The following SSBP2 variants were observed in gnomAD, a reference collection of about 807,000 sequenced individuals.
SSBP2 encodes single stranded DNA binding protein 2, also known as single-stranded DNA-binding protein 2.
In SSBP2, 17 loss-of-function variants were observed where a neutral mutation model predicts 61.8. The observed-to-expected ratio is 0.28, with a 90% CI of 0.19 to 0.41. The LOEUF (loss-of-function observed/expected upper bound fraction) is 0.41. SSBP2 is among the 10% of genes least tolerant of loss of function. The pLI is 1.00. For synonymous variants in SSBP2, 139 were observed against 141.3 expected (o/e 0.98, Z 0.12); for missense variants, 310 against 458.7 (o/e 0.68, Z 2.96).
intron 4 of SSBP2, among the ~76,000 whole-genome samples, chr5:81,590,847 A>C (rs151227188): frequency 1.1e-4 from 17 of 152,332 alleles, no homozygotes; most frequent in Admixed American, 6.5e-4. Flanking sequence ...AAACAGTAGA[A>C]TAACCTCCAG....
intron 1 of SSBP2, among the ~76,000 whole-genome samples, chr5:81,733,830 A>ATT (rs1756424318): frequency 1.4e-4 from 21 of 152,208 alleles, no homozygotes; most frequent in Admixed American, 1.4e-3. Context: ...TTTTGTCTGA[A>ATT]TAGGGCTCTG....
intron 4 of SSBP2, among the ~76,000 whole-genome samples, chr5:81,521,014 C>T (rs1769439439): frequency 6.6e-6 from 1 of 151,954 alleles, no homozygotes; most frequent in Non-Finnish European, 1.5e-5. Context: ...TAAATCATCT[C>T]CCATCCATTT....
At chr5:81,545,741 T>C (rs1437098626) in intron 4 of SSBP2, among the ~76,000 whole-genome samples, 1 of 152,172 alleles carries the variant, frequency 6.6e-6, no homozygotes, top group African/African-American at 2.4e-5. Flanking sequence ...AAACAATATA[T>C]GGCAAATTAA....
At chr5:81,709,500 T>C (rs1222364005) in intron 1 of SSBP2, among the ~76,000 whole-genome samples, 1 of 151,958 alleles carries the variant, frequency 6.6e-6, no homozygotes, top group Admixed American at 6.6e-5. Flanking sequence ...AATCACAATT[T>C]ATAGCATATC....
At chr5:81,656,789 T>C (rs1410972693) in intron 1 of SSBP2, among the ~76,000 whole-genome samples, 1 of 151,888 alleles carries the variant, frequency 6.6e-6, no homozygotes, top group Non-Finnish European at 1.5e-5. Flanking sequence ...CTAATGAATG[T>C]AGCAAAAACT....
At chr5:81,603,660 G>T (rs936082736) in intron 4 of SSBP2, among the ~76,000 whole-genome samples, 2 of 152,098 alleles carry the variant, frequency 1.3e-5, no homozygotes, top group African/African-American at 2.4e-5. Flanking sequence ...ATTCTAAAGT[G>T]ACAGTAATAT....
At chr5:81,687,337 G>A (rs534015780) in intron 1 of SSBP2, among the ~76,000 whole-genome samples, 1 of 152,300 alleles carries the variant, frequency 6.6e-6, no homozygotes, top group East Asian at 1.9e-4. Context: ...CCAGCCCAGT[G>A]GCCAGAACCT....
In SSBP2 at chr5:81,502,327, T is replaced by C. The variant is rs141129702; in HGVS notation, c.372+11301A>G. On this transcript the variant is annotated intron_variant, in intron 5 of 16. Coordinates refer to ENST00000320672, the MANE Select transcript of SSBP2 (RefSeq NM_012446.5). ...TCATTTGGCTTCCAGCATACTTCCTTGCCTGGTTATCTTTCTGTCTCAAGG... is the reference window on the plus strand; with the variant it reads ...TCATTTGGCTTCCAGCATACTTCCTCGCCTGGTTATCTTTCTGTCTCAAGG... Among the ~76,000 whole-genome samples the C allele has an allele frequency of 7.2e-5, 11 of 152,336 alleles. 1 individual carries two copies. Among genetic ancestry groups the C allele is most frequent in the African/African-American group, 2.2e-4 (9 of 41,578 alleles).
At chr5:81,579,891 T>A (rs1417569252) in intron 4 of SSBP2, among the ~76,000 whole-genome samples, 1 of 152,146 alleles carries the variant, frequency 6.6e-6, no homozygotes, top group African/African-American at 2.4e-5. Flanking sequence ...CAAATAGGCC[T>A]CTTTGCACCA....
At chr5:81,557,441 A>C (rs1772691496) in intron 4 of SSBP2, among the ~76,000 whole-genome samples, 1 of 151,972 alleles carries the variant, frequency 6.6e-6, no homozygotes, top group Non-Finnish European at 1.5e-5. Flanking sequence ...TGTCCTCCTT[A>C]TCTCTCTCCT....
At chr5:81,432,341 A>G (rs1489489962) in intron 15 of SSBP2, among the ~76,000 whole-genome samples, 1 of 152,228 alleles carries the variant, frequency 6.6e-6, no homozygotes. Flanking sequence ...TTTATTAAAC[A>G]TGATATGATC....
At chr5:81,644,837 T>C (rs933522965) in intron 2 of SSBP2, among the ~76,000 whole-genome samples, 2 of 152,108 alleles carry the variant, frequency 1.3e-5, no homozygotes, top group Non-Finnish European at 2.9e-5. Flanking sequence ...CTTGCAACAA[T>C]CTACAATATT....
intron 9 of SSBP2, among the ~76,000 whole-genome samples, chr5:81,463,557 G>T (rs187742621): frequency 6.6e-6 from 1 of 152,044 alleles, no homozygotes; most frequent in African/African-American, 2.4e-5. Context: ...AAAATTAGCC[G>T]GGCGTGGTGG....
intron 1 of SSBP2, among the ~76,000 whole-genome samples, chr5:81,730,243 G>C (rs978040579): frequency 6.6e-6 from 1 of 150,734 alleles, no homozygotes; most frequent in Non-Finnish European, 1.5e-5. Context: ...TTTTTTTTTT[G>C]AGATGGAATT....
intron 4 of SSBP2, among the ~76,000 whole-genome samples, chr5:81,560,348 C>T (rs768821628): frequency 2.0e-5 from 3 of 152,000 alleles, no homozygotes; most frequent in Non-Finnish European, 2.9e-5. Flanking sequence ...TAGGAACAGT[C>T]CTGTGGCTAT....
intron 4 of SSBP2, among the ~76,000 whole-genome samples, chr5:81,578,334 G>C (rs566322631): frequency 5.3e-5 from 8 of 151,948 alleles, no homozygotes; most frequent in Non-Finnish European, 8.8e-5. Context: ...GTTCCTTCTT[G>C]CCATTCCAAA....
intron 4 of SSBP2, among the ~76,000 whole-genome samples, chr5:81,560,919 A>G (rs1039745740): frequency 2.0e-5 from 3 of 152,190 alleles, no homozygotes; most frequent in African/African-American, 4.8e-5. Flanking sequence ...ATTATTAATT[A>G]TAGTCATGTT....
chr5:81,508,209 C>T (rs899537469), intron 5 of SSBP2, among the ~76,000 whole-genome samples: 3 of 152,046 alleles, frequency 2.0e-5, no homozygotes, highest in Non-Finnish European at 4.4e-5. Flanking sequence ...CAAAAACTGC[C>T]AAACTTTTAG....
intron 4 of SSBP2, among the ~76,000 whole-genome samples, chr5:81,514,118 G>A (rs1166079896): frequency 6.6e-6 from 1 of 152,056 alleles, no homozygotes; most frequent in Non-Finnish European, 1.5e-5. Context: ...GATTGTAGGA[G>A]TTGACAAAAA....
Sources: allele counts gnomAD v4.1 joint callset (sites outside exome capture counted in the v4.1 genomes callset), GRCh38; gene constraint gnomAD v4.1.1; transcripts MANE v1.5; gene names NCBI Gene and HGNC (gene_info 2026-07-23, HGNC 2026-07-21).